The following IL15 variants were observed in gnomAD, a reference collection of about 807,000 sequenced individuals.
IL15 encodes the protein interleukin-15.
A neutral mutation model predicts 19.6 loss-of-function variants in IL15; 11 were observed. The ratio of observed to expected loss-of-function variants is 0.56; its 90% confidence interval spans 0.35 to 0.93. IL15 has a LOEUF of 0.93. Among genes scored for constraint, IL15 ranks in the 40% least tolerant of loss-of-function variants. IL15 has a pLI of 0.01. For synonymous variants in IL15, 58 were observed against 59.6 expected, an observed-to-expected ratio of 0.97 and a Z score of 0.12; for missense variants, 197 against 186.5, an observed-to-expected ratio of 1.06 and a Z score of -0.33.
intron 2 of IL15, among the ~76,000 whole-genome samples, chr4:141,698,839 C>T (rs986715634): frequency 4.0e-5 from 6 of 151,572 alleles, no homozygotes; most frequent in Non-Finnish European, 7.4e-5. Flanking sequence ...TAGTTCTGCT[C>T]GGATCTTTGT....
chr4:141,637,645 T>C (rs1406882621), intron 1 of IL15, among the ~76,000 whole-genome samples: 5 of 152,228 alleles, frequency 3.3e-5, no homozygotes, highest in Non-Finnish European at 5.9e-5. Context: ...AAAAACTATG[T>C]TGACTTCAAA....
intron 1 of IL15, among the ~76,000 whole-genome samples, chr4:141,655,807 T>G (rs1393889357): frequency 6.6e-6 from 1 of 152,250 alleles, no homozygotes; most frequent in African/African-American, 2.4e-5. Context: ...TTCTTCAGAC[T>G]TGGTCAATAA....
chr4:141,639,081 T>G (rs1181294880), intron 1 of IL15, among the ~76,000 whole-genome samples: 2 of 152,234 alleles, frequency 1.3e-5, no homozygotes, highest in Non-Finnish European at 2.9e-5. Context: ...TCAGACATTG[T>G]TCTAAGGATG....
intron 1 of IL15, among the ~76,000 whole-genome samples, chr4:141,644,822 C>T (rs1032364866): frequency 2.0e-5 from 3 of 152,116 alleles, no homozygotes; most frequent in Non-Finnish European, 4.4e-5. Context: ...AGGCATATAA[C>T]AGTTGCTAGT....
chr4:141,670,785 G>A (rs887179170), intron 2 of IL15, among the ~76,000 whole-genome samples: 3 of 152,080 alleles, frequency 2.0e-5, no homozygotes, highest in Non-Finnish European at 2.9e-5. Context: ...ACATTATGTC[G>A]AAGTTCCAGT....
At chr4:141,659,017 G>A (rs528402956) in intron 2 of IL15, among the ~76,000 whole-genome samples, 15 of 151,756 alleles carry the variant, frequency 9.9e-5, no homozygotes, top group South Asian at 2.1e-4. Context: ...CTGCCACCGC[G>A]CCTGGCTAAT....
chr4:141,660,582 T>C (rs1220850074), intron 2 of IL15, among the ~76,000 whole-genome samples: 1 of 152,212 alleles, frequency 6.6e-6, no homozygotes, highest in African/African-American at 2.4e-5. Flanking sequence ...AACACGGTTA[T>C]TTTGTTTACG....
At chr4:141,658,408 A>G (rs1476225728) in intron 2 of IL15, among the ~76,000 whole-genome samples, 16 of 152,174 alleles carry the variant, frequency 1.1e-4, no homozygotes, top group Admixed American at 1.0e-3. Flanking sequence ...ACCAGCTGCT[A>G]GGAATTTTCA....
At chr4:141,730,373 A>T (rs945299416) in intron 7 of IL15, among the ~76,000 whole-genome samples, 1 of 152,172 alleles carries the variant, frequency 6.6e-6, no homozygotes, top group African/African-American at 2.4e-5. Flanking sequence ...TATGCCAGAC[A>T]CTATTCTTTG....
At position 141,647,055 on chromosome 4, in the gene IL15, T is replaced by C. The variant is rs564713889; in HGVS notation, c.-221-9131T>C. 7.2e-5 allele frequency among the ~76,000 whole-genome samples: 11 copies of C among 152,190 alleles called. No homozygotes were observed. The East Asian group carries it at 2.1e-3, about 29-fold the overall frequency. On this transcript the variant is annotated intron_variant, in intron 1 of 7. Transcript: ENST00000320650. ...AATGGAGAATAGAAAGACAAGCTAA[T>C]TTCAAGGAAGATTTGATATACCAGT...
intron 2 of IL15, among the ~76,000 whole-genome samples, chr4:141,691,180 A>T (rs1728899627): frequency 1.3e-5 from 2 of 152,276 alleles, no homozygotes; most frequent in Non-Finnish European, 2.9e-5. Flanking sequence ...ATTTTAAACC[A>T]TCATATCTCA....
At chr4:141,649,855 A>G (rs992343914) in intron 1 of IL15, among the ~76,000 whole-genome samples, 1 of 152,102 alleles carries the variant, frequency 6.6e-6, no homozygotes, top group Non-Finnish European at 1.5e-5. Flanking sequence ...TCTGAGAAGA[A>G]TAAAAATAGA....
intron 2 of IL15, among the ~76,000 whole-genome samples, chr4:141,669,629 T>G (rs1728103842): frequency 6.6e-6 from 1 of 152,130 alleles, no homozygotes. Context: ...TGATTTTAGA[T>G]TTATTAAGTT....
At chr4:141,643,396 C>T (rs1485283901) in intron 1 of IL15, among the ~76,000 whole-genome samples, 5 of 151,996 alleles carry the variant, frequency 3.3e-5, no homozygotes, top group African/African-American at 1.2e-4. Flanking sequence ...TCCAGTTTTC[C>T]TCTCTCCTTT....
intron 2 of IL15, among the ~76,000 whole-genome samples, chr4:141,660,046 G>T (rs1001447399): frequency 1.3e-5 from 2 of 152,064 alleles, no homozygotes; most frequent in African/African-American, 4.8e-5. Context: ...AGTGTAATTT[G>T]TTCCTTGGTG....
chr4:141,713,920 C>A (rs1729788863), intron 2 of IL15, among the ~76,000 whole-genome samples: 2 of 152,128 alleles, frequency 1.3e-5, no homozygotes, highest in African/African-American at 2.4e-5. Context: ...CTATTCCAGG[C>A]TTTCTTTCCC....
At chr4:141,701,140 T>A (rs770378910) in intron 2 of IL15, among the ~76,000 whole-genome samples, 2 of 152,338 alleles carry the variant, frequency 1.3e-5, no homozygotes, top group South Asian at 4.1e-4. Flanking sequence ...TTGGTTTGGA[T>A]CCATTGCTGG....
rs12503010 is a variant in IL15 at position 141,691,339 on chromosome 4, G to C, written c.-99-28027G>C. ...ACACAAAGCCAAACATTATCATTCT[G>C]CCCATAGCACTGCCCAAATCTCATG... On this transcript the variant is annotated intron_variant, in intron 2 of 7. Transcript: ENST00000320650. Among the ~76,000 whole-genome samples the C allele has an allele frequency of 2.0e-5, 3 of 152,056 alleles. No homozygotes were observed. The South Asian group carries it at 6.2e-4, about 32-fold the overall frequency.
chr4:141,646,321 C>G (rs983983076), intron 1 of IL15, among the ~76,000 whole-genome samples: 1 of 152,084 alleles, frequency 6.6e-6, no homozygotes, highest in Admixed American at 6.6e-5. Context: ...TGCTACTCTT[C>G]CCTTAGCTCA....
Sources: gnomAD v4.1 joint callset for allele counts (sites outside exome capture counted in the v4.1 genomes callset) on GRCh38, gnomAD v4.1.1 for gene constraint, MANE v1.5 for transcripts, NCBI Gene and HGNC (gene_info 2026-07-23, HGNC 2026-07-21) for gene names.